ADAMTS8: variants seen among roughly 807,000 people sequenced by gnomAD.
The protein encoded by ADAMTS8 is A disintegrin and metalloproteinase with thrombospondin motifs 8.
Under a neutral mutation model 64.4 loss-of-function variants are expected in ADAMTS8, and 50 were observed. The observed-to-expected ratio is 0.78, with a 90% CI of 0.62 to 0.98. The LOEUF (loss-of-function observed/expected upper bound fraction) is 0.98. Among genes scored for constraint, ADAMTS8 ranks in the 50% least tolerant of loss-of-function variants. The probability of loss-of-function intolerance (pLI) is 0.00; values close to 1 mark genes in which losing one functional copy is unlikely to be tolerated. For missense variants in ADAMTS8, 1,192 were observed against 1,208.2 expected (o/e 0.99, Z 0.20); for synonymous variants, 556 against 533.6 (o/e 1.04, Z -0.58).
chr11:130,405,993 G>A lies in ADAMTS8; in HGVS notation c.2235C>T (p.Asn745=), dbSNP rs368658938. ...CTATGGCAGAGATGGCCAGGTTGCC[G>A]TTGAGCAGGTACTGCCCATCAGCCG... The part of the protein sequence containing the change: ...LKTADGQYLL[N]GNLAISAIEQ... The change falls in exon 9 of 9, where the codon AAC becomes AAT. Residue 745 remains asparagine (N), a synonymous_variant. Transcript: ENST00000257359. The A allele has an allele frequency of 6.1e-5, 99 of 1,614,118 alleles. No individual in the cohort carries two copies. The highest frequency in any genetic ancestry group is 2.4e-4 in the African/African-American group (18 of 74,952).
chr11:130,417,499 C>T (rs1033289666), intron 2 of ADAMTS8, among the ~76,000 whole-genome samples: 4 of 143,176 alleles, frequency 2.8e-5, no homozygotes, highest in Non-Finnish European at 5.9e-5. Flanking sequence ...TCGGACAATC[C>T]GGCTCCTTCG....
At chr11:130,420,802 T>C (rs1862089496) in intron 1 of ADAMTS8, among the ~76,000 whole-genome samples, 1 of 152,090 alleles carries the variant, frequency 6.6e-6, no homozygotes, top group Non-Finnish European at 1.5e-5. Flanking sequence ...GGCTGAAACT[T>C]GGCACTTGCT....
At chr11:130,421,221 G>A (rs1862094896) in intron 1 of ADAMTS8, among the ~76,000 whole-genome samples, 1 of 152,232 alleles carries the variant, frequency 6.6e-6, no homozygotes, top group Non-Finnish European at 1.5e-5. Context: ...GAGGGAGGCT[G>A]AGTGAGAGAT....
chr11:130,414,465 C>T (rs1360155303), intron 5 of ADAMTS8, 66 bp downstream of exon 5: 9 of 1,514,088 alleles, frequency 5.9e-6, no homozygotes, highest in African/African-American at 5.6e-5. Context: ...GAACAGCCCT[C>T]AGTCCTCCCC....
chr11:130,417,731 T>G (rs1489986328), intron 2 of ADAMTS8, among the ~76,000 whole-genome samples: 2 of 152,166 alleles, frequency 1.3e-5, no homozygotes, highest in Non-Finnish European at 2.9e-5. Context: ...CTGGCTGACC[T>G]TTTTTAAGGA....
intron 1 of ADAMTS8, 151 bp from the exon 2 acceptor site, chr11:130,419,443 C>A: frequency 8.9e-7 from 1 of 1,117,802 alleles, no homozygotes; most frequent in Non-Finnish European, 1.3e-6. Context: ...CCGTGTTACT[C>A]CCTTCATTTT....
At chr11:130,419,509 A>ACC (rs1411026468) in intron 1 of ADAMTS8, among the ~76,000 whole-genome samples, 4 of 152,264 alleles carry the variant, frequency 2.6e-5, no homozygotes, top group Non-Finnish European at 5.9e-5. Context: ...TGATGCATGA[A>ACC]CAGTGGTCTT....
Position 130,428,051 on chromosome 11 carries a change from A to G in ADAMTS8, c.236T>C (p.Phe79Ser), listed in dbSNP as rs757527976. The G allele has an allele frequency of 6.5e-7, 1 of 1,533,186 alleles. No individual in the cohort carries two copies. Among genetic ancestry groups the G allele is most frequent in the Non-Finnish European group, 8.7e-7 (1 of 1,147,606 alleles). 95.0% of individuals were successfully genotyped at this position (1,533,186 alleles called of 1,614,324 possible). A position where few individuals can be genotyped will look rare whatever the true frequency, so the allele number is the denominator to read the frequency against. Reference sequence around the variant, plus strand: ...GGAGCCCCCGAGGCGCTCGATCTTGAACTCGGGCGCTAGGAAGCTGTCGTC... The same window carrying G: ...GGAGCCCCCGAGGCGCTCGATCTTGGACTCGGGCGCTAGGAAGCTGTCGTC... ...APDDSFLAPE[F>S]KIERLGGSGR... The change falls in exon 1 of 9, where the codon TTC becomes TCC. Residue 79 changes from phenylalanine (F) to serine (S), a missense_variant. Physicochemically the swap from Phe to Ser is radical, Grantham distance 155. This residue lies in a region of ADAMTS8 where 741 missense variants were observed against 710.6 expected (regional missense o/e 1.04). Transcript: ENST00000257359.
At position 130,414,790 on chromosome 11, in the gene ADAMTS8, G is replaced by T. The variant is rs767962894; in HGVS notation, c.1307C>A (p.Pro436His). 5 of 1,612,468 alleles carry T rather than the reference G, an allele frequency of 3.1e-6. No individual in the cohort carries two copies. The East Asian group carries it at 8.9e-5, about 29-fold the overall frequency. ...LDAPAAALPL[P>H]TGLPGRMALY... ...GGCCATGCGGCCCGGGAGGCCTGTG[G>T]GGAGGGGCAGGGCCGCAGCAGGGGC... The change falls in exon 5 of 9, where the codon CCC becomes CAC. Residue 436 changes from proline (P) to histidine (H), a missense_variant. Pro to His is a moderately conservative substitution (Grantham distance 77). This residue lies in a region of ADAMTS8 where 741 missense variants were observed against 710.6 expected (regional missense o/e 1.04). Transcript: ENST00000257359.
intron 1 of ADAMTS8, among the ~76,000 whole-genome samples, chr11:130,424,941 T>C (rs73569473): frequency 0.031 from 4,676 of 152,170 alleles, 257 homozygotes; most frequent in African/African-American, 0.11. Context: ...AAGACTTTTC[T>C]TCCAGGTGAG....
Position 130,405,281 on chromosome 11 carries a change from C to T in ADAMTS8, c.*277G>A. The T allele has an allele frequency of 8.1e-7, 1 of 1,238,872 alleles. No homozygotes were observed. Among genetic ancestry groups the T allele is most frequent in the Admixed American group, 3.9e-5 (1 of 25,970 alleles). 76.7% of individuals were successfully genotyped at this position (1,238,872 alleles called of 1,614,324 possible). A position where few individuals can be genotyped will look rare whatever the true frequency, so the allele number is the denominator to read the frequency against. ...CTGACGCTGAGTGTCCTGTCTGAGT[C>T]AATAAGTGCACTTTTACCTTTTAAC... On this transcript the variant is annotated 3_prime_UTR_variant, in exon 9 of 9. Coordinates refer to ENST00000257359, the MANE Select transcript of ADAMTS8 (RefSeq NM_007037.6).
Position 130,408,874 on chromosome 11 carries a change from T to C in ADAMTS8, c.1817A>G (p.Asn606Ser), listed in dbSNP as rs1374250656. ...NAYNYTDMDG[N>S]LLQWVPKYAG... ...ATACTTGGGGACCCACTGCAGGAGA[T>C]TCCCGTCCATGTCAGTGTAATTGTA... The change falls in exon 7 of 9, where the codon AAT (asparagine) becomes AGT (serine). Residue 606 changes from asparagine to serine, a missense_variant. Coordinates refer to ENST00000257359, the MANE Select transcript of ADAMTS8 (RefSeq NM_007037.6). 2 of 1,610,892 alleles carry C rather than the reference T, an allele frequency of 1.2e-6. No homozygotes were observed. The highest frequency in any genetic ancestry group is 1.7e-5 in the Admixed American group (1 of 59,588).
chr11:130,405,072 A>G lies in ADAMTS8; in HGVS notation c.*486T>C. ...GGTGATGGATTTTAACACTGAAGAC[A>G]GTCGTGGTCATTCTTGAAGACAGCT... On this transcript the variant is annotated 3_prime_UTR_variant, in exon 9 of 9. Coordinates refer to ENST00000257359, the MANE Select transcript of ADAMTS8 (RefSeq NM_007037.6). The G allele has an allele frequency of 1.0e-6, 1 of 988,320 alleles. No individual in the cohort carries two copies. The highest frequency in any genetic ancestry group is 1.2e-6 in the Non-Finnish European group (1 of 831,762). The allele number at this position is 988,320 out of a possible 1,614,324, so 61.2% of individuals were successfully genotyped here. A position where few individuals can be genotyped will look rare whatever the true frequency, so the allele number is the denominator to read the frequency against.
rs1296226582 is a variant in ADAMTS8, at chr11:130,428,401, G to T, written c.-115C>A. 1.7e-6 allele frequency: 2 copies of T among 1,172,632 alleles called. No individual in the cohort carries two copies. Among genetic ancestry groups the T allele is most frequent in the South Asian group, 4.2e-5 (2 of 48,028 alleles). 72.6% of individuals were successfully genotyped at this position (1,172,632 alleles called of 1,614,324 possible). The stretch of plus-strand genomic sequence containing the variant: ...CTCTCCAGGAAAAGCGGAATCAATC[G>T]GGTGCAAGGCCGACTCGGCCCGCGG... On this transcript the variant is annotated 5_prime_UTR_variant, in exon 1 of 9. Transcript: ENST00000257359.
chr11:130,425,603 CTTTTT>C (rs113283111), intron 1 of ADAMTS8, among the ~76,000 whole-genome samples: 2 of 138,746 alleles, frequency 1.4e-5, no homozygotes, highest in African/African-American at 5.4e-5. Flanking sequence ...TTTCTTTTTT[CTTTTT>C]TTTTTTTTTT....
chr11:130,411,813 C>T lies in ADAMTS8; in HGVS notation c.1567-213G>A. Reference sequence around the variant, plus strand: ...CCAGGCTGGACTCATTCACTACTGACTCCTCAGTGTCTAAAACAGTGCCTT... The same window carrying T: ...CCAGGCTGGACTCATTCACTACTGATTCCTCAGTGTCTAAAACAGTGCCTT... On this transcript the variant is annotated intron_variant, in intron 5 of 8. Coordinates refer to ENST00000257359, the MANE Select transcript of ADAMTS8 (RefSeq NM_007037.6). This position sits in a 1 kb window ranked among gnomAD's most constrained non-coding sequence, Gnocchi z 4.2. 3.4e-6 allele frequency: 2 copies of T among 591,198 alleles called. No individual in the cohort carries two copies. Among genetic ancestry groups the T allele is most frequent in the Admixed American group, 6.1e-5 (2 of 32,610 alleles). 36.6% of individuals were successfully genotyped at this position (591,198 alleles called of 1,614,324 possible).
rs1373946877 is a variant in ADAMTS8 at position 130,416,455 on chromosome 11, C to G, written c.1097-125G>C. 1 of 1,107,884 alleles carries G rather than the reference C, an allele frequency of 9.0e-7. No homozygotes were observed. The highest frequency in any genetic ancestry group is 2.6e-5 in the East Asian group (1 of 38,270). The allele number at this position is 1,107,884 out of a possible 1,614,324, so 68.6% of individuals were successfully genotyped here. Reference sequence around the variant, plus strand: ...CCCCCTCACTCTCCGAAGATTTCTGCGTAGGGCTTTCCCCTGCGCTTTGCT... The same window carrying G: ...CCCCCTCACTCTCCGAAGATTTCTGGGTAGGGCTTTCCCCTGCGCTTTGCT... On this transcript the variant is annotated intron_variant, in intron 3 of 8. Transcript: ENST00000257359. The surrounding 1 kb of genome is among the most constrained non-coding windows in gnomAD (Gnocchi z 4.8).
At chr11:130,419,365 G>T (rs1381080097) in intron 1 of ADAMTS8, 73 bp from the exon 2 acceptor site, 59 of 1,586,710 alleles carry the variant, frequency 3.7e-5, no homozygotes, top group Non-Finnish European at 4.9e-5. Context: ...CCTGTCCGCT[G>T]CCATCACCTC....
chr11:130,423,797 C>G (rs1004776893), intron 1 of ADAMTS8, among the ~76,000 whole-genome samples: 2 of 152,204 alleles, frequency 1.3e-5, no homozygotes, highest in African/African-American at 4.8e-5. Context: ...CATCTCGCCC[C>G]GGGTTCACAC....
Sources: allele counts gnomAD v4.1 joint callset (sites outside exome capture counted in the v4.1 genomes callset), GRCh38; gene constraint gnomAD v4.1.1; regional missense constraint gnomAD v4.1.1; non-coding constraint Gnocchi (gnomAD v3.1); transcripts MANE v1.5; gene names NCBI Gene and HGNC (gene_info 2026-07-23, HGNC 2026-07-21).